SHANK2: variants seen among roughly 807,000 people sequenced by gnomAD.
The protein encoded by SHANK2 is SH3 and multiple ankyrin repeat domains 2.
SHANK2 carries 43 observed loss-of-function variants against 133.7 expected under a neutral mutation model. That is an observed-to-expected ratio of 0.32 (90% CI 0.25 to 0.41). The LOEUF is 0.41. Ranked by LOEUF, SHANK2 falls within the 10% of genes least tolerant of loss-of-function variation. The pLI is 1.00. For synonymous variants in SHANK2, 1,017 were observed against 952.8 expected (o/e 1.07, Z -1.24); for missense variants, 1,994 against 2,235.8 (o/e 0.89, Z 2.18).
chr11:70,908,145 T>C (rs182061721), intron 10 of SHANK2: 13 of 266,634 alleles, frequency 4.9e-5, no homozygotes, highest in African/African-American at 2.7e-4. Flanking sequence ...AAAGTGAACT[T>C]TGCCTGCTAG....
intron 17 of SHANK2, among the ~76,000 whole-genome samples, chr11:70,506,044 GAGAC>G (rs1253709912): frequency 2.6e-5 from 4 of 152,202 alleles, no homozygotes; most frequent in Non-Finnish European, 5.9e-5. Context: ...AGAAGTGTCA[GAGAC>G]AGACATTACT....
rs1039277102 is a variant in SHANK2 at position 71,166,476 on chromosome 11, T to C, written c.-12-19138A>G. On this transcript the variant is annotated intron_variant, in intron 2 of 25. Coordinates refer to ENST00000601538, the MANE Select transcript of SHANK2 (RefSeq NM_012309.5). ...GTTTACCTTCCAATCCACACGTCTT[T>C]TTTTTCTTTTCTTTTTTTTTTGAGA... 3.4e-4 allele frequency among the ~76,000 whole-genome samples: 50 copies of C among 148,320 alleles called. 1 individual carries two copies. Among genetic ancestry groups the C allele is most frequent in the Admixed American group, 2.0e-4 (3 of 15,070 alleles).
rs566865477 is a variant in SHANK2, at chr11:71,200,830, A to G, written c.-13+23867T>C. ...ACAGAGAGGTATCAAGTCTCAATTAATACACACACACACACACACACACAC... is the reference window on the plus strand; with the variant it reads ...ACAGAGAGGTATCAAGTCTCAATTAGTACACACACACACACACACACACAC... On this transcript the variant is annotated intron_variant, in intron 2 of 25. Coordinates refer to ENST00000601538, the MANE Select transcript of SHANK2 (RefSeq NM_012309.5). 9.0e-3 allele frequency among the ~76,000 whole-genome samples: 1,162 copies of G among 129,322 alleles called. 16 individuals carry two copies. The highest frequency in any genetic ancestry group is 0.035 in the African/African-American group (1,071 of 30,682). 84.8% of individuals were successfully genotyped at this position (129,322 alleles called of 152,430 possible).
At chr11:71,073,716 C>T (rs1055087653) in intron 9 of SHANK2, among the ~76,000 whole-genome samples, 11 of 152,032 alleles carry the variant, frequency 7.2e-5, no homozygotes, top group African/African-American at 2.7e-4. Flanking sequence ...ACTCCTCCCT[C>T]GGCCTCCCAA....
chr11:70,696,048 C>T (rs1200163842), intron 15 of SHANK2, among the ~76,000 whole-genome samples: 2 of 152,202 alleles, frequency 1.3e-5, no homozygotes, highest in African/African-American at 4.8e-5. Context: ...AAAACAAAAG[C>T]CCTTGACTGG....
Position 70,525,546 on chromosome 11 carries a change from G to A in SHANK2, c.2062-22615C>T, listed in dbSNP as rs554262022. ...GTGAGAGAAAAGGGCATTTGGAAAC[G>A]AGCTTCGAGGTAGGGGAGAAAACAG... On this transcript the variant is annotated intron_variant, in intron 17 of 25. Transcript: ENST00000601538. Among the ~76,000 whole-genome samples, 163 of 152,244 alleles carry A rather than the reference G, an allele frequency of 1.1e-3. 1 individual carries two copies. Among genetic ancestry groups the A allele is most frequent in the African/African-American group, 3.8e-3 (158 of 41,530 alleles).
chr11:71,112,603 G>A (rs1951907100), intron 5 of SHANK2, among the ~76,000 whole-genome samples: 1 of 152,100 alleles, frequency 6.6e-6, no homozygotes, highest in South Asian at 2.1e-4. Context: ...GTGCAATTGG[G>A]CTCTCCTTAG....
intron 17 of SHANK2, among the ~76,000 whole-genome samples, chr11:70,504,831 G>A (rs1230569346): frequency 2.0e-5 from 3 of 152,092 alleles, no homozygotes; most frequent in Non-Finnish European, 2.9e-5. Context: ...CAGGACCCTC[G>A]CTGCTCTGGT....
intron 15 of SHANK2, among the ~76,000 whole-genome samples, chr11:70,685,163 C>T (rs967266774): frequency 6.6e-6 from 1 of 151,912 alleles, no homozygotes; most frequent in Non-Finnish European, 1.5e-5. Context: ...AAAAAACCCC[C>T]AAAAAACAAA....
intron 17 of SHANK2, among the ~76,000 whole-genome samples, chr11:70,620,195 C>A (rs2060809917): frequency 6.6e-6 from 1 of 152,110 alleles, no homozygotes; most frequent in Non-Finnish European, 1.5e-5. Context: ...GTGGGGGTCA[C>A]ACAGACATTC....
intron 17 of SHANK2, among the ~76,000 whole-genome samples, chr11:70,657,433 G>C (rs2061417700): frequency 6.6e-6 from 1 of 152,180 alleles, no homozygotes; most frequent in Non-Finnish European, 1.5e-5. Flanking sequence ...TATTCCGGTG[G>C]CAAAATCCAG....
chr11:70,532,640 A>T (rs1034609931), intron 17 of SHANK2, among the ~76,000 whole-genome samples: 1 of 136,846 alleles, frequency 7.3e-6, no homozygotes, highest in African/African-American at 2.8e-5. Flanking sequence ...TGTCCATGGA[A>T]AAAAAAAAAA....
intron 2 of SHANK2, among the ~76,000 whole-genome samples, chr11:71,172,480 C>T (rs1231363114): frequency 2.0e-5 from 3 of 151,506 alleles, no homozygotes; most frequent in Non-Finnish European, 4.4e-5. Context: ...CACCTGTTTT[C>T]CCACCTACTC....
In SHANK2 at chr11:70,882,124, G is replaced by T. The variant is rs2135583702; in HGVS notation, c.1174+14377C>A. ...ACACTGAGGACCAGGGTTAAAGGGT[G>T]ACTCACTGGCATGATGCTGGCAGGT... On this transcript the variant is annotated intron_variant, in intron 11 of 25. Transcript: ENST00000601538. This position sits in a 1 kb window ranked among gnomAD's most constrained non-coding sequence, Gnocchi z 4.2. Among the ~76,000 whole-genome samples, 1 of 152,306 alleles carries T rather than the reference G, an allele frequency of 6.6e-6. No homozygotes were observed. Among genetic ancestry groups the T allele is most frequent in the South Asian group, 2.1e-4 (1 of 4,820 alleles).
intron 17 of SHANK2, among the ~76,000 whole-genome samples, chr11:70,516,210 T>C (rs1465621362): frequency 6.6e-6 from 1 of 152,174 alleles, no homozygotes; most frequent in Non-Finnish European, 1.5e-5. Flanking sequence ...GGGCTGACAC[T>C]CCCCAACTTC....
chr11:70,618,025 C>T (rs1336747040), intron 17 of SHANK2, among the ~76,000 whole-genome samples: 2 of 152,126 alleles, frequency 1.3e-5, no homozygotes, highest in Non-Finnish European at 2.9e-5. Context: ...AGGCTGGGCA[C>T]AGTGGCTCAC....
chr11:70,492,606 T>C, intron 21 of SHANK2, 141 bp from the exon 22 acceptor site: 1 of 1,119,442 alleles, frequency 8.9e-7, no homozygotes, highest in African/African-American at 1.5e-5. Context: ...GGAGCATGCG[T>C]GTGCCTCTGC....
At chr11:71,156,665 G>A (rs1952911723) in intron 2 of SHANK2, among the ~76,000 whole-genome samples, 1 of 152,106 alleles carries the variant, frequency 6.6e-6, no homozygotes, top group African/African-American at 2.4e-5. Context: ...ACCCTCCTCT[G>A]GACACATACA....
At chr11:70,781,558 T>TTATATATATATGTATATATATATA (rs1947492256) in intron 14 of SHANK2, among the ~76,000 whole-genome samples, 1 of 28,970 alleles carries the variant, frequency 3.5e-5, no homozygotes, top group East Asian at 3.0e-3. Flanking sequence ...TACTTACTTA[T>TTATATATATATGTATATATATATA]TATATATATA....
Sources: allele counts gnomAD v4.1 joint callset (sites outside exome capture counted in the v4.1 genomes callset), GRCh38; gene constraint gnomAD v4.1.1; non-coding constraint Gnocchi (gnomAD v3.1); transcripts MANE v1.5; gene names NCBI Gene and HGNC (gene_info 2026-07-23, HGNC 2026-07-21).